Variants in PCDHA5 observed in about 807,000 individuals in gnomAD.
The protein encoded by PCDHA5 is protocadherin alpha-5.
A neutral mutation model predicts 61.6 loss-of-function variants in PCDHA5; 43 were observed. The ratio of observed to expected loss-of-function variants is 0.70; its 90% CI spans 0.55 to 0.90. PCDHA5 has a LOEUF of 0.90. Among genes scored for constraint, PCDHA5 ranks in the 40% least tolerant of loss-of-function variants. The pLI, the probability that PCDHA5 is intolerant of heterozygous loss-of-function variation, is 0.00. For missense variants in PCDHA5, 1,298 were observed against 1,222.7 expected (o/e 1.06, Z -0.92); for synonymous variants, 627 against 543.9 (o/e 1.15, Z -2.13).
chr5:140,869,233 T>G (rs782097851), intron 1 of PCDHA5: 7 of 1,613,700 alleles, frequency 4.3e-6, no homozygotes, highest in Non-Finnish European at 5.9e-6. Context: ...ACACGGCACC[T>G]TCGTGGGCCG....
Position 140,929,287 on chromosome 5 carries a change from C to T in PCDHA5, c.2353-49662C>T, listed in dbSNP as rs782325052. On this transcript the variant is annotated intron_variant, in intron 1 of 3. Transcript: ENST00000529859. The stretch of plus-strand genomic sequence containing the variant: ...TTTGCCAATATCCTGTATTCAGATT[C>T]GGAATAGGAAAGGGGATCACGCTAA... 13 of 1,598,668 alleles carry T rather than the reference C, an allele frequency of 8.1e-6. No homozygotes were observed. In the East Asian group the frequency reaches 2.5e-4, roughly 30 times the overall value.
At chr5:140,955,397 A>T (rs1470827673) in intron 1 of PCDHA5, among the ~76,000 whole-genome samples, 19 of 152,128 alleles carry the variant, frequency 1.2e-4, no homozygotes, top group Admixed American at 1.1e-3. Context: ...CAATTATCCC[A>T]TACAGTTCTC....
At chr5:140,976,585 C>A (rs1415996919) in intron 1 of PCDHA5, among the ~76,000 whole-genome samples, 1 of 152,064 alleles carries the variant, frequency 6.6e-6, no homozygotes, top group African/African-American at 2.4e-5. Flanking sequence ...AAAACACAGA[C>A]TTTTGTGTTA....
Position 140,841,187 on chromosome 5 carries a change from CTT to C in PCDHA5, c.2352+17063_2352+17064del, listed in dbSNP as rs1212743736. On this transcript the variant is annotated intron_variant, in intron 1 of 3. Transcript: ENST00000529859. The stretch of plus-strand genomic sequence containing the variant: ...GTTCTGGTTGGTCAATGTTCAAAGT[CTT>C]TTCTCTGACAGCATCTGTCTCTAAA... 46 of 1,214,448 alleles carry C rather than the reference CTT, an allele frequency of 3.8e-5. 1 individual carries two copies. The Admixed American group carries it at 6.8e-4, about 18-fold the overall frequency. 75.2% of individuals were successfully genotyped at this position (1,214,448 alleles called of 1,614,324 possible).
chr5:140,893,297 A>G (rs553139850), intron 1 of PCDHA5, among the ~76,000 whole-genome samples: 4 of 152,154 alleles, frequency 2.6e-5, no homozygotes, highest in South Asian at 2.1e-4. Context: ...TGGTAGTTCT[A>G]TTTGTAGTTT....
intron 1 of PCDHA5, chr5:140,876,327 G>T: frequency 6.2e-7 from 1 of 1,614,026 alleles, no homozygotes. Flanking sequence ...AAATGATTTT[G>T]CCAGTGAGTG....
At chr5:140,874,459 G>A (rs569536068) in intron 1 of PCDHA5, among the ~76,000 whole-genome samples, 3 of 152,196 alleles carry the variant, frequency 2.0e-5, no homozygotes, top group African/African-American at 7.2e-5. Flanking sequence ...GACCTGTAGG[G>A]GAAGATTTAG....
At chr5:140,864,213 C>T (rs1389443344) in intron 1 of PCDHA5, 1 of 152,256 alleles carries the variant, frequency 6.6e-6, no homozygotes, top group East Asian at 1.9e-4. Context: ...CAAATCTTCT[C>T]AATTTTGAAG....
Position 140,823,977 on chromosome 5 carries a change from C to T in PCDHA5, c.2202C>T (p.Gly734=), listed in dbSNP as rs563481836. 6.2e-7 allele frequency: 1 copy of T among 1,614,044 alleles called. No individual in the cohort carries two copies. Among genetic ancestry groups the T allele is most frequent in the African/African-American group, 1.3e-5 (1 of 75,026 alleles). Residue 734 remains glycine (G), a synonymous_variant, in exon 1 of 4, where the codon GGC becomes GGT. Transcript: ENST00000529859. The stretch of plus-strand genomic sequence containing the variant: ...CCACCGAGGCCGTGTGCACACGGGG[C>T]AAGCCCACTCTGTTGTGCTCCAGCG... The part of the protein sequence containing the change: ...AQPTEAVCTR[G]KPTLLCSSAV...
chr5:141,000,359 CTG>C (rs1554257257), intron 3 of PCDHA5, among the ~76,000 whole-genome samples: 2 of 78,146 alleles, frequency 2.6e-5, no homozygotes, highest in South Asian at 4.6e-4. Context: ...CTGTCTCTCT[CTG>C]TCTCTCTCTC....
chr5:140,870,933 G>T, intron 1 of PCDHA5: 1 of 1,613,802 alleles, frequency 6.2e-7, no homozygotes, highest in Non-Finnish European at 8.5e-7. Flanking sequence ...CATATGAATT[G>T]CAGCCGGCGG....
In PCDHA5 at chr5:140,973,293, A is replaced by G. The variant is rs150966135; in HGVS notation, c.2353-5656A>G. Among the ~76,000 whole-genome samples, 103 of 152,230 alleles carry G rather than the reference A, an allele frequency of 6.8e-4. No homozygotes were observed. The East Asian group carries it at 0.019, about 27-fold the overall frequency. On this transcript the variant is annotated intron_variant, in intron 1 of 3. Transcript: ENST00000529859. ...TATTTCCCCCAGCACTGATTTTTCT[A>G]TCTGATGACTCTATCCTGGAACAGA...
At chr5:140,938,705 A>G (rs1554212312) in intron 1 of PCDHA5, among the ~76,000 whole-genome samples, 1 of 152,150 alleles carries the variant, frequency 6.6e-6, no homozygotes, top group African/African-American at 2.4e-5. Context: ...ATATATGTTT[A>G]TGATAGAAAC....
chr5:140,856,824 T>C (rs1554149171), intron 1 of PCDHA5: 1 of 1,592,156 alleles, frequency 6.3e-7, no homozygotes, highest in Middle Eastern at 1.7e-4. Flanking sequence ...AACCAAACAT[T>C]AGTAATACGG....
intron 1 of PCDHA5, chr5:140,829,791 C>A (rs2150174783): frequency 1.6e-5 from 26 of 1,613,668 alleles, no homozygotes; most frequent in South Asian, 2.2e-5. Context: ...GCGCTGCTGG[C>A]GCCTCGGGTG....
At chr5:140,965,311 T>G (rs1415569065) in intron 1 of PCDHA5, among the ~76,000 whole-genome samples, 1 of 152,180 alleles carries the variant, frequency 6.6e-6, no homozygotes, top group Non-Finnish European at 1.5e-5. Context: ...TTCTACCTTC[T>G]CTTTTACTGA....
chr5:140,918,621 T>C (rs1162983414), intron 1 of PCDHA5, among the ~76,000 whole-genome samples: 1 of 152,228 alleles, frequency 6.6e-6, no homozygotes, highest in Non-Finnish European at 1.5e-5. Flanking sequence ...AATGTTTGTG[T>C]TCCCCAAATT....
intron 1 of PCDHA5, among the ~76,000 whole-genome samples, chr5:140,845,512 T>C (rs2150379573): frequency 1.1e-4 from 17 of 149,824 alleles, no homozygotes; most frequent in Admixed American, 1.1e-3. Flanking sequence ...ACCTATTTCT[T>C]GTACATTAAT....
At chr5:140,994,789 G>A (rs901197365) in intron 3 of PCDHA5, among the ~76,000 whole-genome samples, 8 of 152,260 alleles carry the variant, frequency 5.3e-5, no homozygotes, top group South Asian at 4.1e-4. Flanking sequence ...GAAACAATGC[G>A]TGCATGCAAA....
Sources: allele counts gnomAD v4.1 joint callset (sites outside exome capture counted in the v4.1 genomes callset), GRCh38; gene constraint gnomAD v4.1.1; transcripts MANE v1.5; gene names NCBI Gene and HGNC (gene_info 2026-07-23, HGNC 2026-07-21).